The following PHACTR2 variants were observed in gnomAD, a reference collection of about 807,000 sequenced individuals.
The protein encoded by PHACTR2 is phosphatase and actin regulator 2.
PHACTR2 carries 30 observed loss-of-function variants against 76.0 expected under a neutral mutation model. The observed-to-expected ratio is 0.39, with a 90% CI of 0.30 to 0.54. The LOEUF (loss-of-function observed/expected upper bound fraction) is 0.54, where lower values mean the gene tolerates loss of function less well. Ranked by LOEUF, PHACTR2 falls within the 20% of genes least tolerant of loss-of-function variation. The probability of loss-of-function intolerance (pLI) is 0.61; values close to 1 mark genes in which losing one functional copy is unlikely to be tolerated. For synonymous variants in PHACTR2, 292 were observed against 292.5 expected, an observed-to-expected ratio of 1.00 and a Z score of 0.02; for missense variants, 696 against 781.1, an observed-to-expected ratio of 0.89 and a Z score of 1.30.
rs1215430650 is a variant in PHACTR2 at position 143,697,138 on chromosome 6, G to C, written c.47-14878G>C. On this transcript the variant is annotated intron_variant, in intron 1 of 12. Transcript: ENST00000440869. This position sits in a 1 kb window ranked among gnomAD's most constrained non-coding sequence, Gnocchi z 4.4. ...TATATTATCAAAGAATTTAATTTCAGATTAAAATGGTTTTATAGTTTTCTA... is the reference window on the plus strand; with the variant it reads ...TATATTATCAAAGAATTTAATTTCACATTAAAATGGTTTTATAGTTTTCTA... Among the ~76,000 whole-genome samples, 1 of 152,162 alleles carries C rather than the reference G, an allele frequency of 6.6e-6. No homozygotes were observed. The highest frequency in any genetic ancestry group is 1.9e-4 in the East Asian group (1 of 5,196).
chr6:143,572,744 G>A (rs1410326234), intron 1 of PHACTR2, among the ~76,000 whole-genome samples: 1 of 152,088 alleles, frequency 6.6e-6, no homozygotes, highest in Non-Finnish European at 1.5e-5. Context: ...GTAGAGACAC[G>A]GTTTCACCAT....
Position 143,570,379 on chromosome 6 carries a change from G to A in PHACTR2, c.217+33172G>A, listed in dbSNP as rs368737113. ...TCATCTTATGCAGGGTTTGTACTTC[G>A]GCTTCTCTCACTGTGCTGGAGATTA... is the stretch of plus-strand genomic sequence containing the variant. On this transcript the variant is annotated intron_variant, in intron 1 of 11. Coordinates refer to the PHACTR2 transcript ENST00000367584. The surrounding 1 kb of genome is among the most constrained non-coding windows in gnomAD (Gnocchi z 4.6). Among the ~76,000 whole-genome samples, 26 of 152,254 alleles carry A rather than the reference G, an allele frequency of 1.7e-4. No homozygotes were observed. The South Asian group carries it at 4.6e-3, about 27-fold the overall frequency.
chr6:143,707,256 T>C (rs1339005767), intron 1 of PHACTR2, among the ~76,000 whole-genome samples: 3 of 152,254 alleles, frequency 2.0e-5, no homozygotes. Context: ...TCTTAAAGCA[T>C]ACACAGCAGA....
chr6:143,713,750 T>C (rs1313944748), intron 2 of PHACTR2, among the ~76,000 whole-genome samples: 1 of 152,246 alleles, frequency 6.6e-6, no homozygotes, highest in Non-Finnish European at 1.5e-5. Flanking sequence ...TTCCAGTCCC[T>C]GGCTGGGCAT....
At chr6:143,744,605 G>A (rs1341376710) in intron 2 of PHACTR2, among the ~76,000 whole-genome samples, 1 of 152,206 alleles carries the variant, frequency 6.6e-6, no homozygotes, top group African/African-American at 2.4e-5. Context: ...GCAGTTGTCT[G>A]GGGATATGGC....
rs528642447 is a variant in PHACTR2 at position 143,545,899 on chromosome 6, A to G, written c.217+8692A>G. ...GCATTCAACACCACATTTCTAGCAT[A>G]AAGAACAAATTTGACTTACTCGTGA... On this transcript the variant is annotated intron_variant, in intron 1 of 11. Transcript: ENST00000367584. 3.7e-4 allele frequency among the ~76,000 whole-genome samples: 57 copies of G among 152,322 alleles called. No homozygotes were observed. In the South Asian group the frequency reaches 0.01, roughly 28 times the overall value.
chr6:143,646,885 A>T lies in PHACTR2; in HGVS notation c.13+38563A>T, dbSNP rs1409251025. Among the ~76,000 whole-genome samples, 1 of 152,206 alleles carries T rather than the reference A, an allele frequency of 6.6e-6. No homozygotes were observed. Among genetic ancestry groups the T allele is most frequent in the Non-Finnish European group, 1.5e-5 (1 of 68,034 alleles). On this transcript the variant is annotated intron_variant, in intron 1 of 11. Coordinates refer to the PHACTR2 transcript ENST00000305766. This position sits in a 1 kb window ranked among gnomAD's most constrained non-coding sequence, Gnocchi z 4.1. ...AGAGAACGTTTTCTCATCCTTAGTT[A>T]TGTTTGTTGTTCTAACATAACAGTC...
chr6:143,669,505 C>CT (rs1218435899), intron 1 of PHACTR2, among the ~76,000 whole-genome samples: 2 of 152,174 alleles, frequency 1.3e-5, no homozygotes, highest in African/African-American at 4.8e-5. Flanking sequence ...GCATGGGAGT[C>CT]TAAGTCTCTT....
rs572318913 is a variant in PHACTR2 at position 143,648,619 on chromosome 6, C to G, written c.13+40297C>G. On this transcript the variant is annotated intron_variant, in intron 1 of 11. Coordinates refer to the PHACTR2 transcript ENST00000305766. The surrounding 1 kb of genome is among the most constrained non-coding windows in gnomAD (Gnocchi z 6.7). Reference sequence around the variant, plus strand: ...TCTGAGGTAGGAAGGAATGAAGAGCCCGGGAGGTTTAAAGTGCTCTGAAGC... The same window carrying G: ...TCTGAGGTAGGAAGGAATGAAGAGCGCGGGAGGTTTAAAGTGCTCTGAAGC... 6.6e-6 allele frequency among the ~76,000 whole-genome samples: 1 copy of G among 152,174 alleles called. No homozygotes were observed. Among genetic ancestry groups the G allele is most frequent in the African/African-American group, 2.4e-5 (1 of 41,536 alleles).
At chr6:143,665,829 T>C (rs1777023354) in intron 1 of PHACTR2, among the ~76,000 whole-genome samples, 2 of 152,222 alleles carry the variant, frequency 1.3e-5, no homozygotes, top group Admixed American at 6.5e-5. Flanking sequence ...GAAACTGTCA[T>C]TGCAACCTTA....
At chr6:143,655,242 T>G (rs956134025) in intron 1 of PHACTR2, among the ~76,000 whole-genome samples, 7 of 152,126 alleles carry the variant, frequency 4.6e-5, no homozygotes, top group African/African-American at 1.7e-4. Context: ...ATGATTCTAT[T>G]TATATGAAAT....
chr6:143,683,322 A>G lies in PHACTR2; in HGVS notation c.46+5113A>G, dbSNP rs1777440716. Among the ~76,000 whole-genome samples, 1 of 152,210 alleles carries G rather than the reference A, an allele frequency of 6.6e-6. No individual in the cohort carries two copies. The highest frequency in any genetic ancestry group is 2.1e-4 in the South Asian group (1 of 4,834). On this transcript the variant is annotated intron_variant, in intron 1 of 12. Coordinates refer to ENST00000440869, the MANE Select transcript of PHACTR2 (RefSeq NM_001100164.2). This position sits in a 1 kb window ranked among gnomAD's most constrained non-coding sequence, Gnocchi z 4.1. ...GCAGCCTGACTGCTTTAAACCAATG[A>G]TTATATGAATGAGAGGTATGTATTT... is the stretch of plus-strand genomic sequence containing the variant.
intron 7 of PHACTR2, among the ~76,000 whole-genome samples, chr6:143,773,726 A>G (rs920321367): frequency 1.3e-5 from 2 of 152,242 alleles, no homozygotes; most frequent in Admixed American, 1.3e-4. Context: ...TTGAAAAAGA[A>G]ACAGAATTGT....
At chr6:143,604,934 T>C (rs1775851609), upstream of PHACTR2, among the ~76,000 whole-genome samples, 1 of 150,336 alleles carries the variant, frequency 6.7e-6, no homozygotes, top group South Asian at 2.1e-4. Context: ...GCAGAACTTT[T>C]ATAGGGAGCC....
intron 1 of PHACTR2, among the ~76,000 whole-genome samples, chr6:143,650,568 A>T (rs1177681041): frequency 6.6e-6 from 1 of 152,230 alleles, no homozygotes; most frequent in Non-Finnish European, 1.5e-5. Flanking sequence ...CCTGACAAAA[A>T]CAAACAATGG....
chr6:143,790,108 G>T (rs1220790464), intron 11 of PHACTR2, among the ~76,000 whole-genome samples: 1 of 152,184 alleles, frequency 6.6e-6, no homozygotes, highest in Admixed American at 6.5e-5. Flanking sequence ...ATGGGTGGAA[G>T]CCTGTGGTGG....
intron 1 of PHACTR2, among the ~76,000 whole-genome samples, chr6:143,650,810 A>G (rs1308072696): frequency 6.6e-6 from 1 of 152,234 alleles, no homozygotes; most frequent in African/African-American, 2.4e-5. Flanking sequence ...ATCAATTGCA[A>G]CAAATGCAAA....
chr6:143,570,868 C>T lies in PHACTR2; in HGVS notation c.217+33661C>T, dbSNP rs1007030264. Among the ~76,000 whole-genome samples the T allele has an allele frequency of 6.6e-6, 1 of 152,254 alleles. No homozygotes were observed. Among genetic ancestry groups the T allele is most frequent in the South Asian group, 2.1e-4 (1 of 4,808 alleles). On this transcript the variant is annotated intron_variant, in intron 1 of 11. Transcript: ENST00000367584. This position sits in a 1 kb window ranked among gnomAD's most constrained non-coding sequence, Gnocchi z 4.6. Reference sequence around the variant, plus strand: ...TCCTCCTCTTCTTCCAAAATTCAGGCTGAAGACAATTGCCCTGATTCCCTA... The same window carrying T: ...TCCTCCTCTTCTTCCAAAATTCAGGTTGAAGACAATTGCCCTGATTCCCTA...
chr6:143,792,057 T>G (rs1416246596), intron 11 of PHACTR2, among the ~76,000 whole-genome samples: 1 of 152,210 alleles, frequency 6.6e-6, no homozygotes, highest in African/African-American at 2.4e-5. Context: ...CCCCAATTTA[T>G]GGAGAGAGAA....
Sources: gnomAD v4.1 joint callset for allele counts (sites outside exome capture counted in the v4.1 genomes callset) on GRCh38, gnomAD v4.1.1 for gene constraint, Gnocchi (gnomAD v3.1) non-coding constraint, MANE v1.5 for transcripts, NCBI Gene and HGNC (gene_info 2026-07-23, HGNC 2026-07-21) for gene names.